CCKAR: variants seen among roughly 807,000 people sequenced by gnomAD.
CCKAR encodes cholecystokinin A receptor, also known as cholecystokinin receptor type A.
Under a neutral mutation model 29.8 loss-of-function variants are expected in CCKAR, and 21 were observed. The observed-to-expected ratio is 0.70, with a 90% CI of 0.50 to 1.01. The LOEUF (loss-of-function observed/expected upper bound fraction) is 1.01, where lower values mean the gene tolerates loss of function less well. CCKAR is among the 50% of genes least tolerant of loss of function. The pLI is 0.00. For missense variants in CCKAR, 570 were observed against 560.6 expected, an observed-to-expected ratio of 1.02 and a Z score of -0.17; for synonymous variants, 238 against 221.3, an observed-to-expected ratio of 1.08 and a Z score of -0.67.
chr4:26,482,221 A>G (rs756089350), intron 4 of CCKAR, 51 bp from the exon 5 acceptor site: 6 of 1,533,650 alleles, frequency 3.9e-6, no homozygotes, highest in Non-Finnish European at 5.3e-6. Flanking sequence ...CATGCCCGGT[A>G]GAAGGCATGG....
chr4:26,484,624 A>C (rs1163328055), intron 3 of CCKAR, among the ~76,000 whole-genome samples: 1 of 152,192 alleles, frequency 6.6e-6, no homozygotes, highest in Non-Finnish European at 1.5e-5. Context: ...TAAGCAAAGG[A>C]ACCAGTATTA....
At position 26,489,386 on chromosome 4, in the gene CCKAR, G is replaced by T. The variant is rs1214773485; in HGVS notation, c.211C>A (p.Arg71=). 5 of 1,614,044 alleles carry T rather than the reference G, an allele frequency of 3.1e-6. No homozygotes were observed. Among genetic ancestry groups the T allele is most frequent in the Non-Finnish European group, 4.2e-6 (5 of 1,180,034 alleles). ...LVITVLIRNK[R]MRTVTNIFLL... is the part of the protein sequence containing the mutation. ...AAGATGTTGGTGACCGTCCGCATCC[G>T]CTTGTTCCGAATCAGCACGGTGATG... The change falls in exon 2 of 5, where the codon CGG becomes AGG. Residue 71 remains arginine (R), a synonymous_variant. Transcript: ENST00000295589.
chr4:26,485,557 T>C (rs1462402195), intron 3 of CCKAR, 80 bp downstream of exon 3: 2 of 1,495,154 alleles, frequency 1.3e-6, no homozygotes, highest in South Asian at 2.4e-5. Flanking sequence ...CCAACCACTC[T>C]GGGCAAGGCA....
In CCKAR at chr4:26,481,948, C is replaced by G. The variant is rs1266240088; in HGVS notation, c.977G>C (p.Trp326Ser). 1 of 1,614,258 alleles carries G rather than the reference C, an allele frequency of 6.2e-7. No homozygotes were observed. Among genetic ancestry groups the G allele is most frequent in the Admixed American group, 1.7e-5 (1 of 60,032 alleles). ...IVIVVLFFLC[W>S]MPIFSANAWR... ...GGCGTTGGCGCTGAAGATGGGCATC[C>G]AGCACAGGAAGAAGAGGACCACGAT... Residue 326 changes from tryptophan (W) to serine (S), a missense_variant, in exon 5 of 5, where the codon TGG (tryptophan) becomes TCG (serine). Coordinates refer to ENST00000295589, the MANE Select transcript of CCKAR (RefSeq NM_000730.3).
rs1320545357 is a variant in CCKAR, at chr4:26,485,540, T to G, written c.626+97A>C. On this transcript the variant is annotated intron_variant, in intron 3 of 4. Transcript: ENST00000295589. ...CCTTCTCAAAACGTCTCCAGGAAAC[T>G]GATCCCCCAACCACTCTGGGCAAGG... The G allele has an allele frequency of 2.2e-6, 3 of 1,341,674 alleles. No individual in the cohort carries two copies. The African/African-American group carries it at 4.4e-5, about 19-fold the overall frequency. 83.1% of individuals were successfully genotyped at this position (1,341,674 alleles called of 1,614,324 possible).
intron 2 of CCKAR, among the ~76,000 whole-genome samples, chr4:26,487,911 A>G (rs953136045): frequency 6.7e-6 from 1 of 150,330 alleles, no homozygotes; most frequent in African/African-American, 2.5e-5. Flanking sequence ...TTCCTTTGTA[A>G]GTTTTGTCTT....
In CCKAR at chr4:26,489,195, G is replaced by A. The variant is rs757457884; in HGVS notation, c.364+38C>T. 6.8e-6 allele frequency: 11 copies of A among 1,612,058 alleles called. No individual in the cohort carries two copies. The South Asian group carries it at 1.1e-4, about 16-fold the overall frequency. On this transcript the variant is annotated intron_variant, in intron 2 of 4. Transcript: ENST00000295589. ...GAAGGTCTGGGGCTGAGTGGGGTCTGGGGCAAGCTCCAGAAAGAGTCACCA... is the reference window on the plus strand; with the variant it reads ...GAAGGTCTGGGGCTGAGTGGGGTCTAGGGCAAGCTCCAGAAAGAGTCACCA...
At chr4:26,486,607 C>T (rs1737455395) in intron 2 of CCKAR, among the ~76,000 whole-genome samples, 2 of 152,082 alleles carry the variant, frequency 1.3e-5, no homozygotes, top group South Asian at 4.2e-4. Context: ...ATTAAATGCA[C>T]CTCATTTAAA....
intron 2 of CCKAR, among the ~76,000 whole-genome samples, chr4:26,488,561 G>A (rs1384714680): frequency 1.3e-5 from 2 of 152,164 alleles, no homozygotes; most frequent in Non-Finnish European, 2.9e-5. Context: ...CATAGGCAAA[G>A]AGCTATATAT....
Position 26,483,208 on chromosome 4 carries a change from C to T in CCKAR, c.702G>A (p.Leu234=), listed in dbSNP as rs775585316. The T allele has an allele frequency of 2.5e-6, 4 of 1,613,730 alleles. No individual in the cohort carries two copies. In the East Asian group the frequency reaches 8.9e-5, roughly 36 times the overall value. Residue 234 remains leucine, a synonymous_variant, in exon 4 of 5, where the codon TTG becomes TTA. Transcript: ENST00000295589. Reference sequence around the variant, plus strand: ...CAAATTTTATTCCCTGGTAGAGTTCCAAAGAGATTAATCCATATGCCACCA... The same window carrying T: ...CAAATTTTATTCCCTGGTAGAGTTCTAAAGAGATTAATCCATATGCCACCA... ...VMMVAYGLIS[L]ELYQGIKFEA...
chr4:26,482,051 T>C lies in CCKAR; in HGVS notation c.874A>G (p.Arg292Gly). ...LRQLSTGSSS[R>G]ANRIRSNSSA... is the part of the protein sequence containing the mutation. ...CTGTTACTCCGGATGCGGTTGGCCC[T>C]GCTGCTGCTGCCGGTGGACAGCTGC... is the stretch of plus-strand genomic sequence containing the variant. The change falls in exon 5 of 5, where the codon AGG becomes GGG. Residue 292 changes from arginine (R) to glycine (G), a missense_variant. By Grantham distance (125) the Arg-to-Gly change is moderately radical (BLOSUM62 -2). Transcript: ENST00000295589. The C allele has an allele frequency of 1.2e-6, 2 of 1,613,644 alleles. No individual in the cohort carries two copies. Among genetic ancestry groups the C allele is most frequent in the Middle Eastern group, 1.6e-4 (1 of 6,062 alleles).
intron 2 of CCKAR, among the ~76,000 whole-genome samples, chr4:26,488,596 C>T (rs959206727): frequency 2.0e-5 from 3 of 152,112 alleles, no homozygotes; most frequent in Non-Finnish European, 4.4e-5. Context: ...GTCAGCTTAG[C>T]GACCCCATAG....
chr4:26,486,813 C>A (rs1208894870), intron 2 of CCKAR, among the ~76,000 whole-genome samples: 1 of 152,094 alleles, frequency 6.6e-6, no homozygotes, highest in African/African-American at 2.4e-5. Flanking sequence ...ACTTGGAAGG[C>A]TGAGGCAGAA....
chr4:26,489,187 T>G, intron 2 of CCKAR, 46 bp downstream of exon 2: 1 of 1,610,062 alleles, frequency 6.2e-7, no homozygotes, highest in Non-Finnish European at 8.5e-7. Context: ...TGGGGCTGAG[T>G]GGGGTCTGGG....
At chr4:26,485,970 A>G (rs566661504) in intron 2 of CCKAR, 72 bp from the exon 3 acceptor site, 13 of 1,361,062 alleles carry the variant, frequency 9.6e-6, no homozygotes, top group African/African-American at 1.4e-5. Flanking sequence ...TAGCTTGAAT[A>G]TATCTGATCT....
chr4:26,481,809 G>A lies in CCKAR; in HGVS notation c.1116C>T (p.Phe372=). Residue 372 remains phenylalanine (F), a synonymous_variant, in exon 5 of 5, where the codon TTC becomes TTT. Coordinates refer to ENST00000295589, the MANE Select transcript of CCKAR (RefSeq NM_000730.3). ...AGCCGAGGCGGAAGCGTTTGTTCAT[G>A]AAGCAGTAGATGATGGGGTTGACGC... ...SSCVNPIIYC[F]MNKRFRLGFM... 1 of 1,613,854 alleles carries A rather than the reference G, an allele frequency of 6.2e-7. No homozygotes were observed. The highest frequency in any genetic ancestry group is 8.5e-7 in the Non-Finnish European group (1 of 1,179,882).
At position 26,482,310 on chromosome 4, in the gene CCKAR, A is replaced by G; in HGVS notation, c.755-140T>C. 3 of 688,320 alleles carry G rather than the reference A, an allele frequency of 4.4e-6. No individual in the cohort carries two copies. The South Asian group carries it at 5.4e-5, about 12-fold the overall frequency. 42.6% of individuals were successfully genotyped at this position (688,320 alleles called of 1,614,324 possible). On this transcript the variant is annotated intron_variant, in intron 4 of 4. Coordinates refer to ENST00000295589, the MANE Select transcript of CCKAR (RefSeq NM_000730.3). ...GCAGACAACCTGGCCTTACACTGAT[A>G]TGGGTAAGCATTGATCTATACTAGT...
Position 26,490,370 on chromosome 4 carries a change from G to T in CCKAR, c.-103C>A. The T allele has an allele frequency of 1.4e-6, 1 of 735,016 alleles. No individual in the cohort carries two copies. Among genetic ancestry groups the T allele is most frequent in the Non-Finnish European group, 2.4e-6 (1 of 415,128 alleles). 45.5% of individuals were successfully genotyped at this position (735,016 alleles called of 1,614,324 possible). A position where few individuals can be genotyped will look rare whatever the true frequency, so the allele number is the denominator to read the frequency against. On this transcript the variant is annotated 5_prime_UTR_variant, in exon 1 of 5. Coordinates refer to ENST00000295589, the MANE Select transcript of CCKAR (RefSeq NM_000730.3). ...GCGTCTCGCAGATGCAACCTGCCGT[G>T]GAGGAGCAGGGAGGGAGTGATTTCC...
chr4:26,482,255 A>T, intron 4 of CCKAR, 85 bp from the exon 5 acceptor site: 1 of 1,322,528 alleles, frequency 7.6e-7, no homozygotes, highest in Non-Finnish European at 1.0e-6. Context: ...CTCCATCAAG[A>T]AGTCCAAACC....
Sources: allele counts gnomAD v4.1 joint callset (sites outside exome capture counted in the v4.1 genomes callset), GRCh38; gene constraint gnomAD v4.1.1; transcripts MANE v1.5; gene names NCBI Gene and HGNC (gene_info 2026-07-23, HGNC 2026-07-21).